The following NRXN3 variants were observed in gnomAD, a reference collection of about 807,000 sequenced individuals.
NRXN3 encodes neurexin 3, also known as neurexin III.
A neutral mutation model predicts 137.6 loss-of-function variants in NRXN3; 32 were observed. That is an observed-to-expected ratio of 0.23 (90% CI 0.18 to 0.31). The LOEUF (loss-of-function observed/expected upper bound fraction) is 0.31, where lower values mean the gene tolerates loss of function less well. Among genes scored for constraint, NRXN3 ranks in the 10% least tolerant of loss-of-function variants. The pLI, the probability that NRXN3 is intolerant of heterozygous loss-of-function variation, is 1.00. For synonymous variants in NRXN3, 798 were observed against 784.5 expected, an observed-to-expected ratio of 1.02 and a Z score of -0.29; for missense variants, 1,574 against 2,062.5, an observed-to-expected ratio of 0.76 and a Z score of 4.59.
At chr14:79,757,288 G>T (rs1332552742) in intron 19 of NRXN3, among the ~76,000 whole-genome samples, 1 of 152,172 alleles carries the variant, frequency 6.6e-6, no homozygotes, top group Non-Finnish European at 1.5e-5. Context: ...GATGCAACAT[G>T]TTTGCTCTTG....
chr14:78,330,962 C>T (rs1364316111), intron 4 of NRXN3, among the ~76,000 whole-genome samples: 2 of 152,224 alleles, frequency 1.3e-5, no homozygotes, highest in South Asian at 2.1e-4. Context: ...TAACATTTCC[C>T]AGTTTTATGT....
chr14:79,811,102 A>C (rs1402369791), intron 20 of NRXN3, among the ~76,000 whole-genome samples: 1 of 152,212 alleles, frequency 6.6e-6, no homozygotes, highest in Non-Finnish European at 1.5e-5. Flanking sequence ...TTCATTAGTC[A>C]ATGGCTATTC....
chr14:79,688,817 TCCAAATGAAAATGACCAGAAGAGG>T (rs1240767370), intron 17 of NRXN3, among the ~76,000 whole-genome samples: 1 of 152,120 alleles, frequency 6.6e-6, no homozygotes, highest in Non-Finnish European at 1.5e-5. Flanking sequence ...GAGCCAGTGG[TCCAAATGAAAATGACCAGAAGAGG>T]CCAAATGTAT....
rs186858505 is a variant in NRXN3, at chr14:79,477,589, T to C, written c.3444+10187T>C. The stretch of plus-strand genomic sequence containing the variant: ...GAAGATTTGAGTTTTATACCAATGA[T>C]CGATTGTTTCTGAAAGCAAAAGGAA... On this transcript the variant is annotated intron_variant, in intron 16 of 20. Coordinates refer to ENST00000335750, the MANE Select transcript of NRXN3 (RefSeq NM_001330195.2). 7.2e-5 allele frequency among the ~76,000 whole-genome samples: 11 copies of C among 152,242 alleles called. No homozygotes were observed. The East Asian group carries it at 2.1e-3, about 29-fold the overall frequency.
Position 79,763,596 on chromosome 14 carries a change from C to T in NRXN3, c.4015-41516C>T, listed in dbSNP as rs192791251. On this transcript the variant is annotated intron_variant, in intron 19 of 20. Transcript: ENST00000335750. Reference sequence around the variant, plus strand: ...ATAAACAACAGAAATGTATTTGTCACGGATCTGGAGGCTGGGGAGTCTGAG... The same window carrying T: ...ATAAACAACAGAAATGTATTTGTCATGGATCTGGAGGCTGGGGAGTCTGAG... Among the ~76,000 whole-genome samples, 139 of 151,616 alleles carry T rather than the reference C, an allele frequency of 9.2e-4. 7 individuals carry two copies. The highest frequency in any genetic ancestry group is 3.1e-3 in the African/African-American group (127 of 40,936).
intron 16 of NRXN3, among the ~76,000 whole-genome samples, chr14:79,484,864 A>G (rs540688984): frequency 7.2e-5 from 11 of 152,310 alleles, no homozygotes; most frequent in Admixed American, 7.2e-4. Context: ...TCTTTCGTAC[A>G]TATAATTTGC....
chr14:78,714,100 A>G (rs949046766), intron 7 of NRXN3, among the ~76,000 whole-genome samples: 1 of 152,222 alleles, frequency 6.6e-6, no homozygotes, highest in Non-Finnish European at 1.5e-5. Flanking sequence ...ATAATGTTTC[A>G]GTTAAAATGT....
chr14:79,057,831 A>G (rs1295923096), intron 15 of NRXN3, among the ~76,000 whole-genome samples: 4 of 152,046 alleles, frequency 2.6e-5, no homozygotes, highest in Admixed American at 6.6e-5. Context: ...CAGGAAAGGG[A>G]AGGAGAGATG....
At chr14:78,786,610 T>C (rs1336450066) in intron 8 of NRXN3, among the ~76,000 whole-genome samples, 1 of 152,158 alleles carries the variant, frequency 6.6e-6, no homozygotes, top group Non-Finnish European at 1.5e-5. Context: ...CACCATTCCT[T>C]TGTGTTCTCA....
intron 16 of NRXN3, among the ~76,000 whole-genome samples, chr14:79,470,945 AGAGAGAGTGTGT>A (rs1379195610): frequency 5.1e-5 from 3 of 59,396 alleles, no homozygotes; most frequent in African/African-American, 1.1e-4. Flanking sequence ...AGAGAAAGAG[AGAGAGAGTGTGT>A]GTGTGTGTGT....
chr14:78,628,727 C>A (rs1012528423), intron 4 of NRXN3, among the ~76,000 whole-genome samples: 2 of 152,126 alleles, frequency 1.3e-5, no homozygotes, highest in Non-Finnish European at 2.9e-5. Context: ...GAAAAGGGAG[C>A]CAAAGGGTTT....
chr14:78,726,515 C>CTTTTTTTTT lies in NRXN3; in HGVS notation c.2044+11388_2044+11396dup, dbSNP rs71452901. ...CATAACATAACATTTACCATTTTAG[C>CTTTTTTTTT]TTTTTTTTTTTTTTTTTTTTGAGAG... On this transcript the variant is annotated intron_variant, in intron 8 of 20. Coordinates refer to ENST00000335750, the MANE Select transcript of NRXN3 (RefSeq NM_001330195.2). Among the ~76,000 whole-genome samples the CTTTTTTTTT allele has an allele frequency of 7.8e-5, 8 of 102,456 alleles. 2 individuals are homozygous for CTTTTTTTTT. Among genetic ancestry groups the CTTTTTTTTT allele is most frequent in the Admixed American group, 1.3e-4 (1 of 7,750 alleles). The allele number at this position is 102,456 out of a possible 152,430, so 67.2% of individuals were successfully genotyped here.
chr14:79,034,385 T>A (rs2099612745), intron 15 of NRXN3, among the ~76,000 whole-genome samples: 1 of 72,048 alleles, frequency 1.4e-5, no homozygotes, highest in Non-Finnish European at 3.0e-5. Flanking sequence ...CACAGGTTTT[T>A]TGGAAAAAAA....
intron 15 of NRXN3, chr14:79,280,538 G>A: frequency 1.2e-6 from 2 of 1,610,036 alleles, no homozygotes; most frequent in East Asian, 2.2e-5. Flanking sequence ...AGGAGGACAC[G>A]GTAGGTCTCT....
rs569930625 is a variant in NRXN3 at position 78,449,564 on chromosome 14, C to A, written c.757+151704C>A. On this transcript the variant is annotated intron_variant, in intron 4 of 20. Transcript: ENST00000335750. The stretch of plus-strand genomic sequence containing the variant: ...TTTCACACAATATCTCTAAAATGTG[C>A]CACAGATATTTTTCTCTATTTTTTA... Among the ~76,000 whole-genome samples, 58 of 152,148 alleles carry A rather than the reference C, an allele frequency of 3.8e-4. 1 individual carries two copies. The highest frequency in any genetic ancestry group is 1.4e-3 in the African/African-American group (58 of 41,538).
In NRXN3 at chr14:78,200,850, A is replaced by G. The variant is rs1440910135; in HGVS notation, c.-704+30176A>G. Among the ~76,000 whole-genome samples the G allele has an allele frequency of 2.0e-5, 3 of 152,230 alleles. No individual in the cohort carries two copies. The South Asian group carries it at 6.2e-4, about 32-fold the overall frequency. ...TCAGTGGGAGATCTATTGTTTGATC[A>G]TGGGGTTTGGCAGGCACTTCGTTAA... On this transcript the variant is annotated intron_variant, in intron 1 of 20. Coordinates refer to ENST00000335750, the MANE Select transcript of NRXN3 (RefSeq NM_001330195.2).
intron 20 of NRXN3, chr14:79,860,952 T>C (rs916441815): frequency 1.3e-6 from 1 of 770,856 alleles, no homozygotes; most frequent in Non-Finnish European, 1.9e-6. Flanking sequence ...TATTATAATT[T>C]CTGAGGCATA....
chr14:78,560,548 A>G (rs1245339220), intron 4 of NRXN3, among the ~76,000 whole-genome samples: 3 of 152,216 alleles, frequency 2.0e-5, no homozygotes, highest in Admixed American at 6.5e-5. Flanking sequence ...TGGCCCTTCC[A>G]AGATGCTGAC....
At chr14:79,689,840 G>A (rs566814630) in intron 17 of NRXN3, among the ~76,000 whole-genome samples, 1 of 152,208 alleles carries the variant, frequency 6.6e-6, no homozygotes, top group Non-Finnish European at 1.5e-5. Flanking sequence ...TGTATTTGGA[G>A]GAAGTAAATT....
Sources: allele counts gnomAD v4.1 joint callset (sites outside exome capture counted in the v4.1 genomes callset), GRCh38; gene constraint gnomAD v4.1.1; transcripts MANE v1.5; gene names NCBI Gene and HGNC (gene_info 2026-07-23, HGNC 2026-07-21).